The following OLA1 variants were observed in gnomAD, a reference collection of about 807,000 sequenced individuals.
OLA1 encodes obg-like ATPase 1.
In OLA1, 14 loss-of-function variants were observed where a neutral mutation model predicts 48.4. The ratio of observed to expected loss-of-function variants is 0.29; its 90% CI spans 0.19 to 0.45. OLA1 has a LOEUF of 0.45. OLA1 is among the 20% of genes least tolerant of loss of function. The probability of loss-of-function intolerance (pLI) is 1.00; values close to 1 mark genes in which losing one functional copy is unlikely to be tolerated. For missense variants in OLA1, 325 were observed against 467.1 expected (o/e 0.70, Z 2.80); for synonymous variants, 127 against 150.4 (o/e 0.84, Z 1.14).
rs1338578068 is a variant in OLA1, at chr2:174,234,670, C to T, written c.102-5219G>A. ...GTAGAGACAGGGTTTCACCCTGTTGCACAGGCTGGTCTTCATCTCCTAAAC... is the reference window on the plus strand; with the variant it reads ...GTAGAGACAGGGTTTCACCCTGTTGTACAGGCTGGTCTTCATCTCCTAAAC... On this transcript the variant is annotated intron_variant, in intron 2 of 10. Transcript: ENST00000284719. Among the ~76,000 whole-genome samples the T allele has an allele frequency of 2.6e-5, 4 of 152,020 alleles. No individual in the cohort carries two copies. The East Asian group carries it at 7.7e-4, about 29-fold the overall frequency.
At chr2:174,209,872 G>A (rs991836553) in intron 4 of OLA1, among the ~76,000 whole-genome samples, 1 of 152,094 alleles carries the variant, frequency 6.6e-6, no homozygotes, top group Admixed American at 6.5e-5. Flanking sequence ...AAAGAATAAC[G>A]TGAATGTTCT....
intron 5 of OLA1, among the ~76,000 whole-genome samples, chr2:174,130,560 A>G (rs1686157835): frequency 1.3e-5 from 2 of 152,222 alleles, no homozygotes; most frequent in Admixed American, 1.3e-4. Flanking sequence ...TCTGAGGCAT[A>G]GATCTCAGCA....
chr2:174,208,332 C>T (rs1377911319), intron 4 of OLA1, among the ~76,000 whole-genome samples: 1 of 152,056 alleles, frequency 6.6e-6, no homozygotes, highest in Non-Finnish European at 1.5e-5. Context: ...ACTATAATGC[C>T]TATATTTCTA....
At chr2:174,229,565 CA>C (rs1432399620) in intron 2 of OLA1, 114 bp from the exon 3 acceptor site, 1 of 712,440 alleles carries the variant, frequency 1.4e-6, no homozygotes, top group East Asian at 2.9e-5. Context: ...AACCAATCTA[CA>C]AAGAGAGGGA....
At position 174,131,786 on chromosome 2, in the gene OLA1, ATTCT is replaced by A. The variant is rs1201244633; in HGVS notation, c.550-8115_550-8112del. ...GTCTTTTTCTTATTTATTTGTAGGA[ATTCT>A]TTGTTAGATGCTGCAAATATCTTCT... On this transcript the variant is annotated intron_variant, in intron 5 of 10. Transcript: ENST00000284719. Among the ~76,000 whole-genome samples, 3 of 152,116 alleles carry A rather than the reference ATTCT, an allele frequency of 2.0e-5. No individual in the cohort carries two copies. In the East Asian group the frequency reaches 5.8e-4, roughly 29 times the overall value.
At chr2:174,092,498 C>G (rs1206081983) in intron 7 of OLA1, among the ~76,000 whole-genome samples, 1 of 151,176 alleles carries the variant, frequency 6.6e-6, no homozygotes, top group Admixed American at 6.6e-5. Flanking sequence ...AACCCCGTCT[C>G]TATAAAAAAA....
rs1685976621 is a variant in OLA1, at chr2:174,123,711, A to T, written c.550-36T>A. The T allele has an allele frequency of 3.6e-6, 4 of 1,109,502 alleles. No homozygotes were observed. In the East Asian group the frequency reaches 1.0e-4, roughly 28 times the overall value. 68.7% of individuals were successfully genotyped at this position (1,109,502 alleles called of 1,614,324 possible). ...TTGAGAAAAAGGTAAATATATATGA[A>T]TAACTAAACATTTAGATACTAAATA... On this transcript the variant is annotated intron_variant, in intron 5 of 10. Coordinates refer to ENST00000284719, the MANE Select transcript of OLA1 (RefSeq NM_013341.5).
At chr2:174,186,308 T>G (rs1687654263) in intron 4 of OLA1, among the ~76,000 whole-genome samples, 1 of 151,992 alleles carries the variant, frequency 6.6e-6, no homozygotes, top group Non-Finnish European at 1.5e-5. Context: ...TGAAAGGAAA[T>G]AAGCTTGACA....
chr2:174,141,262 T>C (rs922805595), intron 5 of OLA1, among the ~76,000 whole-genome samples: 4 of 152,242 alleles, frequency 2.6e-5, no homozygotes, highest in African/African-American at 9.6e-5. Context: ...TTAAAGACAA[T>C]TCAATCATAT....
chr2:174,164,003 G>A (rs2105399508), intron 4 of OLA1, among the ~76,000 whole-genome samples: 1 of 151,568 alleles, frequency 6.6e-6, no homozygotes, highest in Middle Eastern at 3.4e-3. Context: ...GGAGGTAATT[G>A]AATCATGGGA....
At chr2:174,128,393 C>T (rs1356074556) in intron 5 of OLA1, among the ~76,000 whole-genome samples, 1 of 150,666 alleles carries the variant, frequency 6.6e-6, no homozygotes. Context: ...GAGCGAGACC[C>T]TGTCTCCAAA....
chr2:174,083,812 C>T (rs934803958), intron 7 of OLA1, among the ~76,000 whole-genome samples: 4 of 151,970 alleles, frequency 2.6e-5, no homozygotes, highest in Admixed American at 6.6e-5. Flanking sequence ...ATAAAACAAG[C>T]CCATGTAAAA....
chr2:174,081,655 C>T (rs960391011), intron 8 of OLA1, among the ~76,000 whole-genome samples: 4 of 152,032 alleles, frequency 2.6e-5, no homozygotes, highest in Non-Finnish European at 4.4e-5. Flanking sequence ...CTGAACATGA[C>T]GAAAGAGTTT....
chr2:174,077,321 TATACATACATACATACATACATACATAC>T (rs34621038), intron 10 of OLA1, among the ~76,000 whole-genome samples: 15 of 150,644 alleles, frequency 1.0e-4, no homozygotes, highest in Non-Finnish European at 2.1e-4. Context: ...TAGAAATACA[TATACATACATACATACATACATACATAC>T]ATACATACAT....
chr2:174,246,422 T>C (rs979770174), intron 2 of OLA1, among the ~76,000 whole-genome samples: 4 of 152,222 alleles, frequency 2.6e-5, no homozygotes, highest in Non-Finnish European at 5.9e-5. Context: ...AATTCAAAAC[T>C]GTCACCTCCT....
chr2:174,240,015 A>G (rs890684317), intron 2 of OLA1: 2 of 152,208 alleles, frequency 1.3e-5, no homozygotes, highest in Admixed American at 6.5e-5. Context: ...TGATCATTGT[A>G]TTATAGTTAT....
At chr2:174,151,092 A>C (rs1558978397) in intron 4 of OLA1, among the ~76,000 whole-genome samples, 1 of 143,736 alleles carries the variant, frequency 7.0e-6, no homozygotes, top group African/African-American at 2.6e-5. Flanking sequence ...ATATCAGGGT[A>C]AGTCTGGAGC....
At chr2:174,174,287 A>AT (rs71021676) in intron 4 of OLA1, among the ~76,000 whole-genome samples, 80,489 of 151,516 alleles carry the variant, frequency 0.53, 21,916 homozygotes, top group East Asian at 0.94. Context: ...CCTTTAAAAT[A>AT]TTTTTAGCAA....
intron 7 of OLA1, among the ~76,000 whole-genome samples, chr2:174,089,786 C>T (rs923776048): frequency 2.0e-5 from 3 of 151,246 alleles, no homozygotes; most frequent in Non-Finnish European, 4.4e-5. Context: ...CCTGTAGTCC[C>T]AACTACTTGG....
Sources: gnomAD v4.1 joint callset for allele counts (sites outside exome capture counted in the v4.1 genomes callset) on GRCh38, gnomAD v4.1.1 for gene constraint, MANE v1.5 for transcripts, NCBI Gene and HGNC (gene_info 2026-07-23, HGNC 2026-07-21) for gene names.